ANTXR2: variants seen among roughly 807,000 people sequenced by gnomAD.
ANTXR2 encodes the protein anthrax toxin receptor 2.
ANTXR2 carries 44 observed loss-of-function variants against 73.7 expected under a neutral mutation model. The ratio of observed to expected loss-of-function variants is 0.60; its 90% CI spans 0.47 to 0.77. The LOEUF is 0.77. Ranked by LOEUF, ANTXR2 falls within the 30% of genes least tolerant of loss-of-function variation. The pLI is 0.00. For missense variants in ANTXR2, 604 were observed against 592.5 expected (o/e 1.02, Z -0.20); for synonymous variants, 217 against 205.9 (o/e 1.05, Z -0.46).
intron 16 of ANTXR2, among the ~76,000 whole-genome samples, chr4:79,909,820 T>C (rs141312229): frequency 1.4e-4 from 21 of 152,268 alleles, no homozygotes; most frequent in African/African-American, 4.8e-4. Context: ...TTTTCAAAAA[T>C]TTAAAAGGAG....
At position 79,901,728 on chromosome 4, in the gene ANTXR2, G is replaced by C. The variant is rs865813635; in HGVS notation, c.*5701C>G. On this transcript the variant is annotated 3_prime_UTR_variant, in exon 17 of 17. Coordinates refer to ENST00000403729, the MANE Select transcript of ANTXR2 (RefSeq NM_058172.6). ...AGTGGGAGCCTGAGCTTGTTTTCCT[G>C]CAACTAGATGGTCCCATCTGGGGGT... 2.4e-5 allele frequency: 4 copies of C among 169,048 alleles called. No homozygotes were observed. The highest frequency in any genetic ancestry group is 7.2e-5 in the African/African-American group (3 of 41,608). The allele number at this position is 169,048 out of a possible 1,614,324, so 10.5% of individuals were successfully genotyped here.
chr4:80,016,675 A>G (rs1731888480), intron 11 of ANTXR2, among the ~76,000 whole-genome samples: 1 of 152,114 alleles, frequency 6.6e-6, no homozygotes, highest in Non-Finnish European at 1.5e-5. Flanking sequence ...CCTCACCACA[A>G]CTGAACTTCT....
At chr4:80,023,229 TA>T (rs1732257494) in intron 10 of ANTXR2, among the ~76,000 whole-genome samples, 1 of 152,308 alleles carries the variant, frequency 6.6e-6, no homozygotes, top group Admixed American at 6.5e-5. Context: ...CAGTTTCATG[TA>T]AAAAATTTTT....
rs551925465 is a variant in ANTXR2 at position 79,904,991 on chromosome 4, C to CT, written c.*2437dup. 2 of 152,210 alleles carry CT rather than the reference C, an allele frequency of 1.3e-5. No individual in the cohort carries two copies. The highest frequency in any genetic ancestry group is 6.5e-5 in the Admixed American group (1 of 15,288). The allele number at this position is 152,210 out of a possible 1,614,324, so 9.4% of individuals were successfully genotyped here. A position where few individuals can be genotyped will look rare whatever the true frequency, so the allele number is the denominator to read the frequency against. ...AGCATAAAACAGATCTGGTTCATAT[C>CT]TTTAAGGGCAATGAAATTCCATCAG... On this transcript the variant is annotated 3_prime_UTR_variant, in exon 17 of 17. Transcript: ENST00000403729.
intron 3 of ANTXR2, among the ~76,000 whole-genome samples, chr4:80,069,133 A>C (rs569283865): frequency 3.9e-5 from 6 of 152,362 alleles, no homozygotes; most frequent in African/African-American, 1.4e-4. Context: ...TATCTAAACA[A>C]GAAAAATGTA....
At chr4:80,022,332 C>A (rs1732203890) in intron 10 of ANTXR2, among the ~76,000 whole-genome samples, 1 of 152,042 alleles carries the variant, frequency 6.6e-6, no homozygotes, top group African/African-American at 2.4e-5. Context: ...GAAAATTTTT[C>A]AGAAAAGTTG....
intron 16 of ANTXR2, among the ~76,000 whole-genome samples, chr4:79,973,903 A>C (rs957120955): frequency 6.6e-6 from 1 of 152,232 alleles, no homozygotes; most frequent in Non-Finnish European, 1.5e-5. Flanking sequence ...TAAATATTAT[A>C]AAAAAGCACT....
chr4:79,974,604 G>T (rs1487610586), intron 16 of ANTXR2, among the ~76,000 whole-genome samples: 2 of 151,648 alleles, frequency 1.3e-5, no homozygotes, highest in African/African-American at 4.8e-5. Flanking sequence ...ATATATAATA[G>T]AAAAATGTCT....
intron 12 of ANTXR2, among the ~76,000 whole-genome samples, chr4:79,993,403 G>A (rs1289336964): frequency 6.6e-6 from 1 of 151,308 alleles, no homozygotes; most frequent in African/African-American, 2.4e-5. Flanking sequence ...GCAGAGGGAA[G>A]GACAAAGGAA....
At position 80,036,040 on chromosome 4, in the gene ANTXR2, A is replaced by AT; in HGVS notation, c.637-9_637-8insA. On this transcript the variant is annotated splice_polypyrimidine_tract_variant and intron_variant, in intron 7 of 16. Transcript: ENST00000403729. ...ACATGACTGAGCTAGTATCTAAAAA[A>AT]GAAAAAAAAAAAAGATTACCAAGCT... 1 of 1,502,618 alleles carries AT rather than the reference A, an allele frequency of 6.7e-7. No homozygotes were observed. Among genetic ancestry groups the AT allele is most frequent in the Non-Finnish European group, 8.9e-7 (1 of 1,129,694 alleles). 93.1% of individuals were successfully genotyped at this position (1,502,618 alleles called of 1,614,324 possible).
intron 16 of ANTXR2, among the ~76,000 whole-genome samples, chr4:79,950,885 T>C (rs1728677871): frequency 6.6e-6 from 1 of 152,126 alleles, no homozygotes; most frequent in Admixed American, 6.6e-5. Flanking sequence ...TCTCCCTCTC[T>C]TCTCTGCTAC....
intron 3 of ANTXR2, among the ~76,000 whole-genome samples, chr4:80,058,308 T>C (rs946573580): frequency 8.5e-5 from 13 of 152,050 alleles, no homozygotes; most frequent in Non-Finnish European, 1.5e-5. Context: ...TTTGCGGTTT[T>C]TCTATCTGTA....
intron 12 of ANTXR2, among the ~76,000 whole-genome samples, chr4:80,004,189 A>G (rs780325941): frequency 1.7e-4 from 26 of 151,986 alleles, no homozygotes; most frequent in Non-Finnish European, 2.8e-4. Flanking sequence ...TTCCATTTAT[A>G]TAACATTTTT....
chr4:79,998,416 TCTAA>T (rs1195522123), intron 12 of ANTXR2, among the ~76,000 whole-genome samples: 1 of 151,980 alleles, frequency 6.6e-6, no homozygotes, highest in East Asian at 1.9e-4. Context: ...TATAACACAA[TCTAA>T]CTGACAACAC....
At chr4:80,012,323 C>A (rs909090806) in intron 11 of ANTXR2, among the ~76,000 whole-genome samples, 2 of 150,398 alleles carry the variant, frequency 1.3e-5, no homozygotes, top group Non-Finnish European at 2.9e-5. Flanking sequence ...TTTGGTAAGA[C>A]CCCAGCAAGC....
chr4:80,009,149 T>C (rs2110056898), intron 11 of ANTXR2, among the ~76,000 whole-genome samples: 1 of 152,348 alleles, frequency 6.6e-6, no homozygotes, highest in East Asian at 1.9e-4. Flanking sequence ...CATGCATTCA[T>C]AAATCAGATG....
At chr4:80,059,939 C>T (rs985383171) in intron 3 of ANTXR2, among the ~76,000 whole-genome samples, 2 of 152,138 alleles carry the variant, frequency 1.3e-5, no homozygotes, top group Non-Finnish European at 2.9e-5. Flanking sequence ...CCTGAATTGA[C>T]CAACTAACAA....
At chr4:80,002,627 T>C (rs1381372623) in intron 12 of ANTXR2, among the ~76,000 whole-genome samples, 1 of 151,774 alleles carries the variant, frequency 6.6e-6, no homozygotes, top group Non-Finnish European at 1.5e-5. Flanking sequence ...ACAGGCAACC[T>C]ACAAAATGGG....
At chr4:79,973,042 A>C (rs568522071) in intron 16 of ANTXR2, among the ~76,000 whole-genome samples, 1 of 152,184 alleles carries the variant, frequency 6.6e-6, no homozygotes, top group Admixed American at 6.5e-5. Context: ...ACAAAGTGAA[A>C]GCATAGTGGA....
Sources: allele counts gnomAD v4.1 joint callset (sites outside exome capture counted in the v4.1 genomes callset), GRCh38; gene constraint gnomAD v4.1.1; transcripts MANE v1.5; gene names NCBI Gene and HGNC (gene_info 2026-07-23, HGNC 2026-07-21).